Variants in SLC22A12 observed in about 807,000 individuals in gnomAD.
SLC22A12 encodes the protein solute carrier family 22 member 12.
A neutral mutation model predicts 52.7 loss-of-function variants in SLC22A12; 56 were observed. The ratio of observed to expected loss-of-function variants is 1.06; its 90% CI spans 0.86 to 1.33. The LOEUF (loss-of-function observed/expected upper bound fraction) is 1.33. Ranked by LOEUF, SLC22A12 falls within the 40% of genes most tolerant of loss-of-function variation. SLC22A12 has a pLI of 0.00. For missense variants in SLC22A12, 683 were observed against 741.5 expected (o/e 0.92, Z 0.92); for synonymous variants, 337 against 324.6 (o/e 1.04, Z -0.41).
Position 64,600,488 on chromosome 11 carries a change from C to G in SLC22A12, c.1394+13C>G, listed in dbSNP as rs2039418726. 1 of 1,586,204 alleles carries G rather than the reference C, an allele frequency of 6.3e-7. No individual in the cohort carries two copies. The highest frequency in any genetic ancestry group is 1.1e-5 in the South Asian group (1 of 87,800). On this transcript the variant is annotated intron_variant, in intron 8 of 9. Transcript: ENST00000377574. ...CCACTGTGCTCAGGTGAGGCTGGGC[C>G]TGGGCTCCAGGAGAGGGGAGCCCTG...
intron 8 of SLC22A12, 130 bp downstream of exon 8, chr11:64,600,605 C>T (rs1314489358): frequency 1.1e-5 from 16 of 1,422,078 alleles, no homozygotes; most frequent in Middle Eastern, 4.7e-4. Context: ...GTCCCCGGGG[C>T]TGCTCAGGTG....
chr11:64,600,610 C>T, intron 8 of SLC22A12, 125 bp from the exon 9 acceptor site: 1 of 1,452,446 alleles, frequency 6.9e-7, no homozygotes, highest in East Asian at 2.4e-5. Context: ...CGGGGCTGCT[C>T]AGGTGCATCC....
At chr11:64,592,092 G>A in intron 1 of SLC22A12, 134 bp downstream of exon 1, 2 of 1,397,236 alleles carry the variant, frequency 1.4e-6, no homozygotes, top group Admixed American at 4.1e-5. Flanking sequence ...GAGCCTCTCA[G>A]CCCCTCGTCA....
Position 64,591,640 on chromosome 11 carries a change from C to A in SLC22A12, c.84C>A (p.Ile28=), listed in dbSNP as rs566916044. ...VLQTMALMVS[I]MWLCTQSMLE... ...AGACGATGGCTCTGATGGTCTCCAT[C>A]ATGTGGCTGTGTACCCAGAGCATGC... Residue 28 remains isoleucine (I), a synonymous_variant, in exon 1 of 10, where the codon ATC becomes ATA. Coordinates refer to ENST00000377574, the MANE Select transcript of SLC22A12 (RefSeq NM_144585.4). 1 of 1,613,268 alleles carries A rather than the reference C, an allele frequency of 6.2e-7. No homozygotes were observed. Among genetic ancestry groups the A allele is most frequent in the Admixed American group, 1.7e-5 (1 of 60,028 alleles).
intron 4 of SLC22A12, among the ~76,000 whole-genome samples, chr11:64,594,781 T>C (rs1018444035): frequency 8.1e-6 from 1 of 123,740 alleles, no homozygotes; most frequent in Non-Finnish European, 1.7e-5. Flanking sequence ...GAATGGATAG[T>C]TGGAATAAAT....
At position 64,592,886 on chromosome 11, in the gene SLC22A12, A is replaced by G; in HGVS notation, c.506+4A>G. The G allele has an allele frequency of 1.9e-6, 3 of 1,612,170 alleles. No individual in the cohort carries two copies. Among genetic ancestry groups the G allele is most frequent in the Non-Finnish European group, 2.5e-6 (3 of 1,179,044 alleles). On this transcript the variant is annotated splice_donor_region_variant and intron_variant, in intron 2 of 9. Transcript: ENST00000377574. ...CGTGCGGCCCTGCCTCAGACAGGTG[A>G]GTACCCCCAGTCCAGGCAGGTCCCA... is the stretch of plus-strand genomic sequence containing the variant.
rs121907895 is a variant in SLC22A12 at position 64,599,858 on chromosome 11, T to G, written c.1253T>G (p.Leu418Arg). The change falls in exon 7 of 10, where the codon CTC (leucine) becomes CGC (arginine). Residue 418 changes from leucine to arginine, a missense_variant. Transcript: ENST00000377574. ...GCCGCATCCCTGTTGCTGGCAGGGC[T>G]CTGCATTCTGGCCAACACGCTGGTG... is the stretch of plus-strand genomic sequence containing the variant. ...TLAASLLLAG[L>R]CILANTLVPH... 1.1e-5 allele frequency: 18 copies of G among 1,612,444 alleles called. No individual in the cohort carries two copies. In the East Asian group the frequency reaches 4.0e-4, roughly 36 times the overall value.
At position 64,598,891 on chromosome 11, in the gene SLC22A12, G is replaced by A. The variant is rs2039344083; in HGVS notation, c.1038G>A (p.Leu346=). The A allele has an allele frequency of 2.5e-6, 4 of 1,612,826 alleles. No individual in the cohort carries two copies. Among genetic ancestry groups the A allele is most frequent in the African/African-American group, 2.7e-5 (2 of 74,930 alleles). The change falls in exon 6 of 10, where the codon CTG becomes CTA. Residue 346 remains leucine (L), a synonymous_variant. Transcript: ENST00000377574. ...GCACCCTGCTCCGCATGCCCGGACT[G>A]CGCTTCCGGACCTGTATCTCCACGT... ...SLGTLLRMPG[L]RFRTCISTLC...
chr11:64,591,490 T>C lies in SLC22A12; in HGVS notation c.-67T>C, dbSNP rs1249969604. The C allele has an allele frequency of 1.3e-6, 2 of 1,595,068 alleles. No individual in the cohort carries two copies. Among genetic ancestry groups the C allele is most frequent in the African/African-American group, 1.3e-5 (1 of 74,766 alleles). ...CGTGGGGGAAACAGGCCCGTTGCCC[T>C]GGCCTCTTTGCCCTGGGCCAGCCTT... On this transcript the variant is annotated 5_prime_UTR_variant, in exon 1 of 10. Transcript: ENST00000377574.
Position 64,601,960 on chromosome 11 carries a change from T to C in SLC22A12, c.*409T>C. The C allele has an allele frequency of 3.1e-6, 1 of 324,614 alleles. No individual in the cohort carries two copies. Among genetic ancestry groups the C allele is most frequent in the South Asian group, 2.6e-5 (1 of 37,898 alleles). 20.1% of individuals were successfully genotyped at this position (324,614 alleles called of 1,614,324 possible). On this transcript the variant is annotated 3_prime_UTR_variant, in exon 10 of 10. Coordinates refer to ENST00000377574, the MANE Select transcript of SLC22A12 (RefSeq NM_144585.4). The stretch of plus-strand genomic sequence containing the variant: ...CACCATCCATGGTCAAGACCTCTCC[T>C]AGCTCCACACAAGCAGTAGAGTCTC...
rs769812096 is a variant in SLC22A12, at chr11:64,598,848, A to G, written c.995A>G (p.Gln332Arg). Residue 332 changes from glutamine to arginine, a missense_variant, in exon 6 of 10, where the codon CAG becomes CGG. Gln to Arg is a conservative substitution (Grantham distance 43). Transcript: ENST00000377574. ...ATGCGGGAGGAGCTGAGCATGGGCC[A>G]GCCTCCTGCCAGCCTGGGCACCCTG... ...SAMREELSMG[Q>R]PPASLGTLLR... 20 of 1,612,588 alleles carry G rather than the reference A, an allele frequency of 1.2e-5. No homozygotes were observed. The South Asian group carries it at 1.8e-4, about 14-fold the overall frequency.
chr11:64,595,994 AATGGATGGATGG>A (rs1185012477), intron 4 of SLC22A12, among the ~76,000 whole-genome samples: 38 of 34,134 alleles, frequency 1.1e-3, no homozygotes, highest in African/African-American at 2.2e-3. Context: ...GAATAGATGG[AATGGATGGATGG>A]ATGGATGGAT....
rs757949029 is a variant in SLC22A12, at chr11:64,600,798, C to A, written c.1458C>A (p.Val486=). 4.4e-6 allele frequency: 7 copies of A among 1,606,150 alleles called. No homozygotes were observed. Among genetic ancestry groups the A allele is most frequent in the Non-Finnish European group, 5.1e-6 (6 of 1,179,946 alleles). ...GAGGAGCCATCCTGGGGCCTCTGGTCCGGCTGCTGGGTGTCCATGGCCCCT... is the reference window on the plus strand; with the variant it reads ...GAGGAGCCATCCTGGGGCCTCTGGTACGGCTGCTGGGTGTCCATGGCCCCT... The part of the protein sequence containing the change: ...ARGGAILGPL[V]RLLGVHGPWL... The change falls in exon 9 of 10, where the codon GTC becomes GTA. Residue 486 remains valine (V), a synonymous_variant. Transcript: ENST00000377574.
rs1401752614 is a variant in SLC22A12, at chr11:64,593,810, G to T, written c.830+7G>T. On this transcript the variant is annotated splice_region_variant and intron_variant, in intron 4 of 9. Transcript: ENST00000377574. ...TCTGCTTTTTGTACTCCTGGTGGGT[G>T]CTGTGCCCCACTCCCCTCCTCAGAG... 1.2e-6 allele frequency: 2 copies of T among 1,602,654 alleles called. No individual in the cohort carries two copies. Among genetic ancestry groups the T allele is most frequent in the African/African-American group, 2.7e-5 (2 of 74,906 alleles).
At chr11:64,593,001 G>T in intron 2 of SLC22A12, 119 bp downstream of exon 2, 1 of 917,824 alleles carries the variant, frequency 1.1e-6, no homozygotes, top group Non-Finnish European at 1.7e-6. Context: ...CGCCCTACTT[G>T]CTGGGTGTGG....
At position 64,591,787 on chromosome 11, in the gene SLC22A12, C is replaced by G. The variant is rs1386465662; in HGVS notation, c.231C>G (p.Ile77Met). The G allele has an allele frequency of 1.2e-6, 2 of 1,612,646 alleles. No individual in the cohort carries two copies. The highest frequency in any genetic ancestry group is 1.7e-6 in the Non-Finnish European group (2 of 1,179,994). Residue 77 changes from isoleucine (I) to methionine (M), a missense_variant, in exon 1 of 10, where the codon ATC (isoleucine) becomes ATG (methionine). Coordinates refer to ENST00000377574, the MANE Select transcript of SLC22A12 (RefSeq NM_144585.4). Reference protein sequence around the residue: ...LSPEALLAISIPPGPNQRPHQ... With the variant: ...LSPEALLAISMPPGPNQRPHQ... ...CTGAGGCCCTCCTGGCTATTTCCAT[C>G]CCGCCGGGCCCCAACCAGAGGCCCC...
chr11:64,601,240 C>T (rs1465537579), intron 9 of SLC22A12, among the ~76,000 whole-genome samples: 1 of 152,136 alleles, frequency 6.6e-6, no homozygotes, highest in Admixed American at 6.5e-5. Flanking sequence ...GTGGATAGTC[C>T]TTTGTGAGAG....
Position 64,600,662 on chromosome 11 carries a change from G to T in SLC22A12, c.1395-73G>T. On this transcript the variant is annotated intron_variant, in intron 8 of 9. Coordinates refer to ENST00000377574, the MANE Select transcript of SLC22A12 (RefSeq NM_144585.4). The stretch of plus-strand genomic sequence containing the variant: ...CCCTGGGTCTCCCTGGGCCAAGCGG[G>T]CCTGGCCCGGCGTGCAGGATCAAGG... The T allele has an allele frequency of 1.9e-6, 3 of 1,593,970 alleles. No individual in the cohort carries two copies. The South Asian group carries it at 3.3e-5, about 18-fold the overall frequency.
chr11:64,594,188 G>C (rs1264745985), intron 4 of SLC22A12, among the ~76,000 whole-genome samples: 1 of 152,250 alleles, frequency 6.6e-6, no homozygotes, highest in Non-Finnish European at 1.5e-5. Flanking sequence ...AGCTAGGCTA[G>C]GGGAGCGAGT....
Sources: allele counts gnomAD v4.1 joint callset (sites outside exome capture counted in the v4.1 genomes callset), GRCh38; gene constraint gnomAD v4.1.1; transcripts MANE v1.5; gene names NCBI Gene and HGNC (gene_info 2026-07-23, HGNC 2026-07-21).